COMMD10: variants seen among roughly 807,000 people sequenced by gnomAD.
COMMD10 encodes the protein COMM domain-containing protein 10.
COMMD10 carries 33 observed loss-of-function variants against 28.9 expected under a neutral mutation model. The observed-to-expected ratio is 1.14, with a 90% CI of 0.87 to 1.53. The LOEUF is 1.53. Among genes scored for constraint, COMMD10 ranks in the 40% most tolerant of loss-of-function variants. The probability of loss-of-function intolerance (pLI) is 0.00; values close to 1 mark genes in which losing one functional copy is unlikely to be tolerated. For synonymous variants in COMMD10, 110 were observed against 81.7 expected (o/e 1.35, Z -1.87); for missense variants, 310 against 233.4 (o/e 1.33, Z -2.14).
intron 5 of COMMD10, among the ~76,000 whole-genome samples, chr5:116,259,054 G>C (rs962540937): frequency 2.1e-5 from 3 of 145,962 alleles, no homozygotes; most frequent in African/African-American, 7.7e-5. Context: ...CTTTAGCTAC[G>C]TCCTTTAATT....
chr5:116,251,168 T>C (rs1316987193), intron 5 of COMMD10, among the ~76,000 whole-genome samples: 1 of 152,016 alleles, frequency 6.6e-6, no homozygotes, highest in Non-Finnish European at 1.5e-5. Context: ...TTTCAAATGC[T>C]TGATTTTTCC....
intron 5 of COMMD10, among the ~76,000 whole-genome samples, chr5:116,237,721 C>G (rs1012638276): frequency 6.6e-6 from 1 of 152,134 alleles, no homozygotes; most frequent in African/African-American, 2.4e-5. Flanking sequence ...TATCTTTAAT[C>G]TGCTTTTTAT....
intron 5 of COMMD10, among the ~76,000 whole-genome samples, chr5:116,173,548 A>T (rs947861258): frequency 9.2e-5 from 14 of 152,220 alleles, no homozygotes; most frequent in African/African-American, 2.6e-4. Flanking sequence ...GCTTTTTTTA[A>T]AAAAGACTAT....
In COMMD10 at chr5:116,222,219, T is replaced by G. The variant is rs1262598057; in HGVS notation, c.511-69298T>G. On this transcript the variant is annotated intron_variant, in intron 5 of 6. Coordinates refer to ENST00000274458, the MANE Select transcript of COMMD10 (RefSeq NM_016144.4). ...ATTTAAGTCTGTTACTCTATTCTCA[T>G]GAAAACATTCTCAAGAGTTGAAGAA... 2.6e-5 allele frequency among the ~76,000 whole-genome samples: 4 copies of G among 152,338 alleles called. No homozygotes were observed. In the East Asian group the frequency reaches 7.7e-4, roughly 29 times the overall value.
chr5:116,196,540 C>A lies in COMMD10; in HGVS notation c.510+62362C>A, dbSNP rs1390041022. On this transcript the variant is annotated intron_variant, in intron 5 of 6. Transcript: ENST00000274458. Reference sequence around the variant, plus strand: ...AAAAAGTAATAGCCAAATCTGTTAACTCTGTGATTCCTGCTTTGGTTAATG... The same window carrying A: ...AAAAAGTAATAGCCAAATCTGTTAAATCTGTGATTCCTGCTTTGGTTAATG... 6.0e-5 allele frequency among the ~76,000 whole-genome samples: 9 copies of A among 150,922 alleles called. No homozygotes were observed. The East Asian group carries it at 1.5e-3, about 26-fold the overall frequency.
At chr5:116,090,610 A>G (rs972359029) in intron 2 of COMMD10, among the ~76,000 whole-genome samples, 1 of 152,208 alleles carries the variant, frequency 6.6e-6, no homozygotes, top group Non-Finnish European at 1.5e-5. Flanking sequence ...GTTCCTGACC[A>G]TGGCAGACTA....
rs537481414 is a variant in COMMD10 at position 116,291,276 on chromosome 5, T to A, written c.511-241T>A. Among the ~76,000 whole-genome samples the A allele has an allele frequency of 4.9e-3, 746 of 152,332 alleles. 5 individuals are homozygous for A. The highest frequency in any genetic ancestry group is 0.015 in the African/African-American group (636 of 41,580). On this transcript the variant is annotated intron_variant, in intron 5 of 6. Coordinates refer to ENST00000274458, the MANE Select transcript of COMMD10 (RefSeq NM_016144.4). ...AGTTGTTCTCTTACTGGCATATGTT[T>A]TATTAACCTTCGTAGAGTCAACTTA...
At chr5:116,117,038 A>G (rs954846771) in intron 4 of COMMD10, among the ~76,000 whole-genome samples, 41 of 152,156 alleles carry the variant, frequency 2.7e-4, no homozygotes, top group African/African-American at 9.2e-4. Flanking sequence ...TAATGGACTC[A>G]TATAATATGT....
chr5:116,088,717 C>T (rs1750203743), intron 2 of COMMD10, among the ~76,000 whole-genome samples: 1 of 152,216 alleles, frequency 6.6e-6, no homozygotes, highest in Non-Finnish European at 1.5e-5. Context: ...TTCCCCTTTA[C>T]TGAGTAACTT....
intron 5 of COMMD10, among the ~76,000 whole-genome samples, chr5:116,283,763 TA>T (rs992356028): frequency 6.6e-6 from 1 of 151,692 alleles, no homozygotes; most frequent in African/African-American, 2.4e-5. Context: ...AAACAACCAA[TA>T]AAAAATCCTT....
chr5:116,235,578 C>T (rs977612634), intron 5 of COMMD10, among the ~76,000 whole-genome samples: 1 of 152,096 alleles, frequency 6.6e-6, no homozygotes, highest in African/African-American at 2.4e-5. Flanking sequence ...TCTTGAAGGT[C>T]TGAATTATCT....
chr5:116,110,274 A>G (rs1751001274), intron 4 of COMMD10, among the ~76,000 whole-genome samples: 1 of 152,032 alleles, frequency 6.6e-6, no homozygotes, highest in Admixed American at 6.6e-5. Context: ...TCTGTTTCCT[A>G]GTATTTTGTT....
chr5:116,085,371 G>A (rs1750059182), intron 1 of COMMD10: 2 of 434,672 alleles, frequency 4.6e-6, no homozygotes, highest in African/African-American at 4.1e-5. Context: ...TGGGGTCTGC[G>A]TCACTGTTCG....
chr5:116,201,237 AG>A (rs1328549420), intron 5 of COMMD10, among the ~76,000 whole-genome samples: 4 of 152,202 alleles, frequency 2.6e-5, no homozygotes, highest in Non-Finnish European at 4.4e-5. Flanking sequence ...TAAGAAGCAC[AG>A]AGTGATCCGG....
chr5:116,117,111 C>T (rs2112745528), intron 4 of COMMD10, among the ~76,000 whole-genome samples: 1 of 152,064 alleles, frequency 6.6e-6, no homozygotes, highest in Non-Finnish European at 1.5e-5. Flanking sequence ...ATTAGTAATT[C>T]TTTTATTGCT....
chr5:116,275,191 T>C (rs111405515), intron 5 of COMMD10, among the ~76,000 whole-genome samples: 53 of 151,980 alleles, frequency 3.5e-4, no homozygotes, highest in African/African-American at 1.3e-3. Context: ...AGAATCAGTT[T>C]TGTGGATGTA....
chr5:116,158,859 T>TTC (rs940860591), intron 5 of COMMD10, among the ~76,000 whole-genome samples: 1 of 151,778 alleles, frequency 6.6e-6, no homozygotes, highest in Non-Finnish European at 1.5e-5. Context: ...TTGTTTTTTT[T>TTC]TTTCCCCCCC....
At chr5:116,292,358 T>G in intron 6 of COMMD10, 93 bp from the exon 7 acceptor site, 1 of 696,394 alleles carries the variant, frequency 1.4e-6, no homozygotes, top group Non-Finnish European at 2.2e-6. Flanking sequence ...CAGTGCTATT[T>G]TTTCCTTTCT....
At chr5:116,213,675 T>G (rs1233101771) in intron 5 of COMMD10, among the ~76,000 whole-genome samples, 2 of 152,116 alleles carry the variant, frequency 1.3e-5, no homozygotes, top group Non-Finnish European at 2.9e-5. Flanking sequence ...CCTCACTAAT[T>G]GCATATTAGT....
Sources: gnomAD v4.1 joint callset for allele counts (sites outside exome capture counted in the v4.1 genomes callset) on GRCh38, gnomAD v4.1.1 for gene constraint, MANE v1.5 for transcripts, NCBI Gene and HGNC (gene_info 2026-07-23, HGNC 2026-07-21) for gene names.